Variants in PAK1 observed in about 807,000 individuals in gnomAD.
PAK1 encodes the protein serine/threonine-protein kinase PAK 1.
PAK1 carries 29 observed loss-of-function variants against 67.4 expected under a neutral mutation model. The observed-to-expected ratio is 0.43, with a 90% CI of 0.32 to 0.59. PAK1 has a LOEUF of 0.59. Ranked by LOEUF, PAK1 falls within the 20% of genes least tolerant of loss-of-function variation. The pLI, the probability that PAK1 is intolerant of heterozygous loss-of-function variation, is 0.07. For synonymous variants in PAK1, 223 were observed against 237.4 expected (o/e 0.94, Z 0.56); for missense variants, 337 against 670.7 (o/e 0.50, Z 5.50).
the PAK1 span, among the ~76,000 whole-genome samples, chr11:77,505,418 C>T: frequency 6.6e-6 from 1 of 152,186 alleles, no homozygotes; most frequent in African/African-American, 2.4e-5. Flanking sequence ...AAACTTCTGG[C>T]CTCAAGTGAT....
the PAK1 span, among the ~76,000 whole-genome samples, chr11:77,509,286 A>G: frequency 6.6e-6 from 1 of 152,120 alleles, no homozygotes; most frequent in African/African-American, 2.4e-5. Flanking sequence ...AAATAAAATG[A>G]GCCAGCATCT....
intron 1 of PAK1, among the ~76,000 whole-genome samples, chr11:77,462,306 G>C (rs939537746): frequency 1.3e-5 from 2 of 149,904 alleles, no homozygotes; most frequent in South Asian, 4.2e-4. Context: ...ACTCCAGCCT[G>C]GGCAACAGAG....
intron 3 of PAK1, 40 bp downstream of exon 3, chr11:77,379,854 C>T (rs1949589729): frequency 7.4e-7 from 1 of 1,353,960 alleles, no homozygotes; most frequent in East Asian, 2.3e-5. Flanking sequence ...ACAGCCAGAA[C>T]TCTAAAAGAC....
At chr11:77,364,107 G>T (rs1414273523) in intron 5 of PAK1, among the ~76,000 whole-genome samples, 1 of 152,244 alleles carries the variant, frequency 6.6e-6, no homozygotes, top group Non-Finnish European at 1.5e-5. Context: ...ACAGTCCTGA[G>T]TAGGGCAAAC....
chr11:77,453,661 T>C (rs765083581), intron 1 of PAK1, among the ~76,000 whole-genome samples: 10 of 152,212 alleles, frequency 6.6e-5, no homozygotes, highest in Non-Finnish European at 1.3e-4. Flanking sequence ...ATATTAGTTA[T>C]AAGAGCAAAA....
the PAK1 span, among the ~76,000 whole-genome samples, chr11:77,527,297 T>C: frequency 6.6e-6 from 1 of 151,754 alleles, no homozygotes; most frequent in Non-Finnish European, 1.5e-5. Flanking sequence ...GTGATGGGGA[T>C]TCACCATTTT....
the PAK1 span, among the ~76,000 whole-genome samples, chr11:77,507,154 G>C: frequency 6.6e-6 from 1 of 152,226 alleles, no homozygotes; most frequent in Non-Finnish European, 1.5e-5. Context: ...GTAGAGTGAG[G>C]ACAGTTGTAA....
chr11:77,406,524 C>T (rs890551110), intron 1 of PAK1, among the ~76,000 whole-genome samples: 8 of 152,154 alleles, frequency 5.3e-5, no homozygotes, highest in Non-Finnish European at 1.0e-4. Context: ...TGCCTGTAAT[C>T]CCAGCACTTT....
At chr11:77,491,359 G>A in the PAK1 span, among the ~76,000 whole-genome samples, 1 of 151,964 alleles carries the variant, frequency 6.6e-6, no homozygotes, top group Admixed American at 6.6e-5. Context: ...AAAGCAGGGG[G>A]ATGAAGCTAA....
chr11:77,334,040 G>A (rs1942219783), intron 13 of PAK1, among the ~76,000 whole-genome samples: 1 of 151,828 alleles, frequency 6.6e-6, no homozygotes, highest in South Asian at 2.1e-4. Flanking sequence ...ATGGTGGCAG[G>A]TGCCTGTAAT....
chr11:77,325,490 T>G, intron 14 of PAK1: 1 of 1,097,978 alleles, frequency 9.1e-7, no homozygotes, highest in South Asian at 1.6e-5. Context: ...TGGTAAAGAT[T>G]CAATATAACC....
intron 1 of PAK1, among the ~76,000 whole-genome samples, chr11:77,465,609 C>CA (rs906859778): frequency 6.6e-5 from 10 of 152,036 alleles, no homozygotes; most frequent in Non-Finnish European, 1.3e-4. Context: ...AAAAAAATCT[C>CA]AGACTCTGGA....
intron 1 of PAK1, among the ~76,000 whole-genome samples, chr11:77,396,212 C>A (rs1023181902): frequency 6.6e-6 from 1 of 152,302 alleles, no homozygotes; most frequent in South Asian, 2.1e-4. Flanking sequence ...TACTTAAAAC[C>A]TAAAATAAGC....
intron 1 of PAK1, among the ~76,000 whole-genome samples, chr11:77,454,745 G>C (rs1957009617): frequency 6.6e-6 from 1 of 152,132 alleles, no homozygotes. Context: ...AGAGAAAGCT[G>C]ACCCCATTCC....
At chr11:77,514,723 G>A in the PAK1 span, among the ~76,000 whole-genome samples, 115 of 152,258 alleles carry the variant, frequency 7.6e-4, no homozygotes, top group African/African-American at 2.7e-3. Flanking sequence ...GGACTGTCTC[G>A]TTCATCAGTT....
chr11:77,375,619 T>C (rs1280709504), intron 4 of PAK1, among the ~76,000 whole-genome samples: 1 of 152,208 alleles, frequency 6.6e-6, no homozygotes, highest in Non-Finnish European at 1.5e-5. Flanking sequence ...TTTTCTTTGA[T>C]TGGTATGCAA....
Position 77,337,313 on chromosome 11 carries a change from C to A in PAK1, c.1216+11G>T. On this transcript the variant is annotated intron_variant, in intron 12 of 14. Coordinates refer to ENST00000356341, the MANE Select transcript of PAK1 (RefSeq NM_002576.5). ...CAGAGAAGTATTATCATTCCTAAGG[C>A]TCCTACTTACTTAGCTTGACAGAGC... 1.4e-6 allele frequency: 2 copies of A among 1,415,036 alleles called. No individual in the cohort carries two copies. The highest frequency in any genetic ancestry group is 2.0e-6 in the Non-Finnish European group (2 of 1,001,416). 87.7% of individuals were successfully genotyped at this position (1,415,036 alleles called of 1,614,324 possible).
chr11:77,450,131 A>C (rs1283007957), intron 1 of PAK1, among the ~76,000 whole-genome samples: 2 of 152,234 alleles, frequency 1.3e-5, no homozygotes, highest in Non-Finnish European at 2.9e-5. Context: ...TAAAGCACCC[A>C]GCAGAATGTC....
At chr11:77,335,345 A>C (rs1279277078) in intron 13 of PAK1, among the ~76,000 whole-genome samples, 1 of 152,154 alleles carries the variant, frequency 6.6e-6, no homozygotes, top group East Asian at 1.9e-4. Flanking sequence ...GCTCCACTTA[A>C]ATGTCCAATT....
Sources: allele counts gnomAD v4.1 joint callset (sites outside exome capture counted in the v4.1 genomes callset), GRCh38; gene constraint gnomAD v4.1.1; transcripts MANE v1.5; gene names NCBI Gene and HGNC (gene_info 2026-07-23, HGNC 2026-07-21).